Variants in SCHIP1 observed in about 807,000 individuals in gnomAD.
The protein encoded by SCHIP1 is schwannomin interacting protein 1, also known as schwannomin-interacting protein 1.
Under a neutral mutation model 29.7 loss-of-function variants are expected in SCHIP1, and 8 were observed. That is an observed-to-expected ratio of 0.27 (90% CI 0.16 to 0.49). The LOEUF is 0.49. Ranked by LOEUF, SCHIP1 falls within the 20% of genes least tolerant of loss-of-function variation. The probability of loss-of-function intolerance (pLI) is 0.99; values close to 1 mark genes in which losing one functional copy is unlikely to be tolerated. For missense variants in SCHIP1, 193 were observed against 294.6 expected (o/e 0.66, Z 2.52); for synonymous variants, 76 against 94.9 (o/e 0.80, Z 1.16).
At chr3:159,469,538 G>T in the SCHIP1 span, among the ~76,000 whole-genome samples, 1 of 152,178 alleles carries the variant, frequency 6.6e-6, no homozygotes, top group Non-Finnish European at 1.5e-5. Flanking sequence ...CATTCAACAA[G>T]TATTCATTTA....
At chr3:159,633,512 G>A in the SCHIP1 span, among the ~76,000 whole-genome samples, 4 of 152,098 alleles carry the variant, frequency 2.6e-5, no homozygotes, top group East Asian at 7.7e-4. Context: ...AGCTTTCAGA[G>A]AAGAAAAGTA....
chr3:159,470,749 A>G, the SCHIP1 span, among the ~76,000 whole-genome samples: 1 of 152,294 alleles, frequency 6.6e-6, no homozygotes, highest in East Asian at 1.9e-4. Context: ...CTGTCGAACC[A>G]AAACACAAAC....
intron 2 of SCHIP1, among the ~76,000 whole-genome samples, chr3:159,873,163 A>C (rs1007483446): frequency 2.6e-5 from 4 of 152,212 alleles, no homozygotes; most frequent in Admixed American, 6.5e-5. Context: ...ACCTGATATG[A>C]ATTTACTACT....
chr3:159,458,728 G>A, the SCHIP1 span, among the ~76,000 whole-genome samples: 1 of 152,102 alleles, frequency 6.6e-6, no homozygotes, highest in Non-Finnish European at 1.5e-5. Context: ...AACAGTTCAT[G>A]ACATTTTAAC....
At chr3:159,654,699 G>A in the SCHIP1 span, among the ~76,000 whole-genome samples, 3 of 151,456 alleles carry the variant, frequency 2.0e-5, no homozygotes, top group East Asian at 3.9e-4. Flanking sequence ...AGGGGCCCAT[G>A]GGGAATTGGG....
chr3:159,656,272 C>A, the SCHIP1 span, among the ~76,000 whole-genome samples: 1 of 152,152 alleles, frequency 6.6e-6, no homozygotes, highest in East Asian at 1.9e-4. Flanking sequence ...ATCATTCTCT[C>A]TCTCTTACAG....
chr3:159,764,814 C>G, the SCHIP1 span: 2 of 1,584,320 alleles, frequency 1.3e-6, no homozygotes, highest in South Asian at 2.3e-5. This position sits in a 1 kb window ranked among gnomAD's most constrained non-coding sequence, Gnocchi z 6.1. Context: ...CCATGCCGCC[C>G]CCGGTGCCCA....
chr3:159,653,669 A>G, the SCHIP1 span, among the ~76,000 whole-genome samples: 1 of 151,582 alleles, frequency 6.6e-6, no homozygotes, highest in Non-Finnish European at 1.5e-5. Flanking sequence ...ACAGGTTGAT[A>G]GGTGCGGCAA....
the SCHIP1 span, among the ~76,000 whole-genome samples, chr3:159,732,699 A>G: frequency 6.6e-6 from 1 of 152,194 alleles, no homozygotes; most frequent in Admixed American, 6.5e-5. Flanking sequence ...CAGCTGGGGA[A>G]GAGGGACAAA....
At chr3:159,296,188 G>A in the SCHIP1 span, among the ~76,000 whole-genome samples, 2,152 of 147,768 alleles carry the variant, frequency 0.015, 45 homozygotes, top group African/African-American at 0.051. Flanking sequence ...TAAAATATTT[G>A]AGCCGAAATT....
At chr3:159,746,084 A>G in the SCHIP1 span, among the ~76,000 whole-genome samples, 3 of 152,358 alleles carry the variant, frequency 2.0e-5, no homozygotes, top group East Asian at 5.8e-4. Context: ...CATGGGGTTC[A>G]TTGTACTATA....
the SCHIP1 span, among the ~76,000 whole-genome samples, chr3:159,393,952 G>A: frequency 1.8e-3 from 269 of 152,054 alleles, 1 homozygote; most frequent in South Asian, 9.4e-3. Context: ...ATGAGCATGG[G>A]ATGTTCTTCC....
chr3:159,580,193 T>A, the SCHIP1 span, among the ~76,000 whole-genome samples: 1 of 152,198 alleles, frequency 6.6e-6, no homozygotes, highest in Non-Finnish European at 1.5e-5. Flanking sequence ...GTCTATGTAT[T>A]CATCCATCCA....
the SCHIP1 span, among the ~76,000 whole-genome samples, chr3:159,362,706 C>T: frequency 6.6e-6 from 1 of 152,192 alleles, no homozygotes; most frequent in Non-Finnish European, 1.5e-5. Flanking sequence ...GATTTCCCCC[C>T]CGGCCATGAG....
the SCHIP1 span, among the ~76,000 whole-genome samples, chr3:159,491,425 C>A: frequency 6.6e-6 from 1 of 152,194 alleles, no homozygotes; most frequent in African/African-American, 2.4e-5. Context: ...GCTTTTCCAA[C>A]GGGTTTAACA....
At chr3:159,696,281 A>C in the SCHIP1 span, among the ~76,000 whole-genome samples, 518 of 152,288 alleles carry the variant, frequency 3.4e-3, 4 homozygotes, top group African/African-American at 0.012. Flanking sequence ...TAGCTCCTGT[A>C]ACCCCTGCTG....
the SCHIP1 span, among the ~76,000 whole-genome samples, chr3:159,690,068 GT>G: frequency 6.6e-6 from 1 of 152,002 alleles, no homozygotes; most frequent in African/African-American, 2.4e-5. Context: ...TTTTTTTGTT[GT>G]GTTTCTGCCA....
the SCHIP1 span, among the ~76,000 whole-genome samples, chr3:159,541,271 T>A: frequency 6.6e-6 from 1 of 152,188 alleles, no homozygotes; most frequent in Non-Finnish European, 1.5e-5. Flanking sequence ...ACGGGCAATA[T>A]GTGTTTTGGA....
chr3:159,435,076 T>C, the SCHIP1 span, among the ~76,000 whole-genome samples: 1 of 152,154 alleles, frequency 6.6e-6, no homozygotes, highest in African/African-American at 2.4e-5. Context: ...GTGCACACTT[T>C]AACACTCATT....
Sources: gnomAD v4.1 joint callset for allele counts (sites outside exome capture counted in the v4.1 genomes callset) on GRCh38, gnomAD v4.1.1 for gene constraint, Gnocchi (gnomAD v3.1) non-coding constraint, MANE v1.5 for transcripts, NCBI Gene and HGNC (gene_info 2026-07-23, HGNC 2026-07-21) for gene names.